Variants in NPBWR2 observed in about 807,000 individuals in gnomAD.
The protein encoded by NPBWR2 is neuropeptides B/W receptor type 2.
For missense variants in NPBWR2, 390 were observed against 458.2 expected (o/e 0.85, Z 1.36); for synonymous variants, 207 against 223.5 (o/e 0.93, Z 0.66).
rs754244813 is a variant in NPBWR2 at position 64,106,547 on chromosome 20, C to T, written c.285G>A (p.Thr95=). Residue 95 remains threonine (T), a synonymous_variant, in exon 2 of 2, where the codon ACG becomes ACA. Transcript: ENST00000684052. This position sits in a 1 kb window ranked among gnomAD's most constrained non-coding sequence, Gnocchi z 9.5. ...LNLAVADGLF[T]LVLPVNIAEH... The stretch of plus-strand genomic sequence containing the variant: ...CCGCGATGTTGACGGGCAGTACCAG[C>T]GTGAAGAGCCCGTCGGCGACGGCCA... 1.3e-5 allele frequency: 21 copies of T among 1,612,016 alleles called. No individual in the cohort carries two copies. The highest frequency in any genetic ancestry group is 4.5e-5 in the East Asian group (2 of 44,892).
rs1569286442 is a variant in NPBWR2, at chr20:64,106,878, G to C, written c.-47C>G. On this transcript the variant is annotated 5_prime_UTR_variant, in exon 2 of 2. Coordinates refer to ENST00000684052, the MANE Select transcript of NPBWR2 (RefSeq NM_005286.4). This position sits in a 1 kb window ranked among gnomAD's most constrained non-coding sequence, Gnocchi z 9.5. ...TTTGCGCCCTGGGCAGGTGGGAGGT[G>C]CCTTGGAGTTGGGTATCTGGTTGGG... 1 of 1,578,732 alleles carries C rather than the reference G, an allele frequency of 6.3e-7. No homozygotes were observed. The highest frequency in any genetic ancestry group is 1.4e-5 in the African/African-American group (1 of 73,932).
At position 64,104,889 on chromosome 20, in the gene NPBWR2, G is replaced by A. The variant is rs1181200008; in HGVS notation, c.*941C>T. 6.8e-6 allele frequency among the ~76,000 whole-genome samples: 1 copy of A among 147,504 alleles called. No homozygotes were observed. Among genetic ancestry groups the A allele is most frequent in the Non-Finnish European group, 1.5e-5 (1 of 66,264 alleles). ...AGCAGGGGGGCACAGGGGAGCACAG[G>A]CCATGGAGAGGACTGTCGGACACAG... is the stretch of plus-strand genomic sequence containing the variant. On this transcript the variant is annotated 3_prime_UTR_variant, in exon 2 of 2. Transcript: ENST00000684052.
chr20:64,105,746 G>A lies in NPBWR2; in HGVS notation c.*84C>T, dbSNP rs1979991841. ...GGGTGGGGGGGGGTGGGCCTGATGG[G>A]GGTGTGGGCATGATGATGATGGGCG... On this transcript the variant is annotated 3_prime_UTR_variant, in exon 2 of 2. Transcript: ENST00000684052. The A allele has an allele frequency of 2.8e-6, 3 of 1,056,236 alleles. 1 individual carries two copies. Among genetic ancestry groups the A allele is most frequent in the Non-Finnish European group, 3.9e-6 (3 of 766,762 alleles). 65.4% of individuals were successfully genotyped at this position (1,056,236 alleles called of 1,614,324 possible).
chr20:64,106,491 TC>T lies in NPBWR2; in HGVS notation c.340del (p.Glu114SerfsTer22), dbSNP rs1306554050. On this transcript the variant is annotated frameshift_variant, in exon 2 of 2. Transcript: ENST00000684052. LOFTEE classifies it low-confidence loss of function (END_TRUNC). The surrounding 1 kb of genome is among the most constrained non-coding windows in gnomAD (Gnocchi z 9.5). Reference protein sequence around the residue: ...EHLLQYWPFGELLCKLVLAVD... With the variant: ...EHLLQYWPFGXLLCKLVLAVD... The stretch of plus-strand genomic sequence containing the variant: ...GGCCAGCACCAGCTTGCAGAGCAGC[TC>T]CCCGAAGGGCCAGTACTGCAGCAGG... The T allele has an allele frequency of 6.2e-7, 1 of 1,612,474 alleles. No homozygotes were observed. The highest frequency in any genetic ancestry group is 1.1e-5 in the South Asian group (1 of 91,072).
Position 64,106,836 on chromosome 20 carries a change from G to A in NPBWR2, c.-5C>T. ...TGGGTGCCCAGCGGCCTGCATTGTA[G>A]CTGGGACCGTTGACGATTTGCGCCC... On this transcript the variant is annotated 5_prime_UTR_variant, in exon 2 of 2. Coordinates refer to ENST00000684052, the MANE Select transcript of NPBWR2 (RefSeq NM_005286.4). The surrounding 1 kb of genome is among the most constrained non-coding windows in gnomAD (Gnocchi z 9.5). 6.2e-7 allele frequency: 1 copy of A among 1,603,856 alleles called. No individual in the cohort carries two copies. Among genetic ancestry groups the A allele is most frequent in the Non-Finnish European group, 8.5e-7 (1 of 1,173,090 alleles).
At position 64,105,550 on chromosome 20, in the gene NPBWR2, G is replaced by T. The variant is rs1346539434; in HGVS notation, c.*280C>A. Reference sequence around the variant, plus strand: ...ATGGGGGTGATGGTGGGGGTGGTGGGGGGGGTGGGCGTGATGATGGGGGTG... The same window carrying T: ...ATGGGGGTGATGGTGGGGGTGGTGGTGGGGGTGGGCGTGATGATGGGGGTG... On this transcript the variant is annotated 3_prime_UTR_variant, in exon 2 of 2. Transcript: ENST00000684052. 6.8e-4 allele frequency among the ~76,000 whole-genome samples: 3 copies of T among 4,440 alleles called. No individual in the cohort carries two copies. Among genetic ancestry groups the T allele is most frequent in the Admixed American group, 1.9e-3 (1 of 534 alleles). 2.9% of individuals were successfully genotyped at this position (4,440 alleles called of 152,430 possible).
In NPBWR2 at chr20:64,104,936, C is replaced by G. The variant is rs1450839662; in HGVS notation, c.*894G>C. Among the ~76,000 whole-genome samples the G allele has an allele frequency of 1.4e-5, 2 of 139,286 alleles. No individual in the cohort carries two copies. The highest frequency in any genetic ancestry group is 3.1e-5 in the Non-Finnish European group (2 of 63,662). 91.4% of individuals were successfully genotyped at this position (139,286 alleles called of 152,430 possible). On this transcript the variant is annotated 3_prime_UTR_variant, in exon 2 of 2. Coordinates refer to ENST00000684052, the MANE Select transcript of NPBWR2 (RefSeq NM_005286.4). Reference sequence around the variant, plus strand: ...ACAGCAGGGCGGGTACAGGCCATGGCAAGGACCGTCGGCCACAGCAGGGGG... The same window carrying G: ...ACAGCAGGGCGGGTACAGGCCATGGGAAGGACCGTCGGCCACAGCAGGGGG...
In NPBWR2 at chr20:64,106,098, C is replaced by T. The variant is rs370307704; in HGVS notation, c.734G>A (p.Arg245His). The stretch of plus-strand genomic sequence containing the variant: ...CTTGCCTAGAGCCTTGGCTCCAGAG[C>T]GGAGCCGCACGGCCCGCAGCCTGCG... ...LLRRLRAVRL[R>H]SGAKALGKAR... Residue 245 changes from arginine (R) to histidine (H), a missense_variant, in exon 2 of 2, where the codon CGC becomes CAC. Arg to His is a conservative substitution (Grantham distance 29). Coordinates refer to ENST00000684052, the MANE Select transcript of NPBWR2 (RefSeq NM_005286.4). The surrounding 1 kb of genome is among the most constrained non-coding windows in gnomAD (Gnocchi z 9.5). 2.1e-5 allele frequency: 34 copies of T among 1,611,196 alleles called. No homozygotes were observed. Among genetic ancestry groups the T allele is most frequent in the South Asian group, 2.0e-4 (18 of 91,020 alleles).
Position 64,106,517 on chromosome 20 carries a change from G to T in NPBWR2, c.315C>A (p.His105Gln). The T allele has an allele frequency of 6.2e-7, 1 of 1,612,444 alleles. No homozygotes were observed. Residue 105 changes from histidine to glutamine, a missense_variant, in exon 2 of 2, where the codon CAC becomes CAA. Physicochemically the swap from His to Gln is conservative, Grantham distance 24. Transcript: ENST00000684052. The surrounding 1 kb of genome is among the most constrained non-coding windows in gnomAD (Gnocchi z 9.5). ...TLVLPVNIAE[H>Q]LLQYWPFGEL... ...CCCCGAAGGGCCAGTACTGCAGCAG[G>T]TGCTCCGCGATGTTGACGGGCAGTA...
rs1228918449 is a variant in NPBWR2 at position 64,105,619 on chromosome 20, G to GCGTGATGAT, written c.*210_*211insATCATCACG. 3.6e-4 allele frequency among the ~76,000 whole-genome samples: 4 copies of GCGTGATGAT among 10,960 alleles called. No individual in the cohort carries two copies. The highest frequency in any genetic ancestry group is 4.6e-4 in the Non-Finnish European group (3 of 6,496). The allele number at this position is 10,960 out of a possible 152,430, so 7.2% of individuals were successfully genotyped here. A position where few individuals can be genotyped will look rare whatever the true frequency, so the allele number is the denominator to read the frequency against. ...ATGGTGGGCGTGATGGTGGGGGTGG[G>GCGTGATGAT]GGTGATGGGGGTGGGCGTGATGGTG... is the stretch of plus-strand genomic sequence containing the variant. On this transcript the variant is annotated 3_prime_UTR_variant, in exon 2 of 2. Coordinates refer to ENST00000684052, the MANE Select transcript of NPBWR2 (RefSeq NM_005286.4).
At position 64,105,884 on chromosome 20, in the gene NPBWR2, G is replaced by A. The variant is rs758127511; in HGVS notation, c.948C>T (p.Tyr316=). 27 of 1,605,080 alleles carry A rather than the reference G, an allele frequency of 1.7e-5. No homozygotes were observed. Among genetic ancestry groups the A allele is most frequent in the Middle Eastern group, 1.7e-4 (1 of 6,042 alleles). The change falls in exon 2 of 2, where the codon TAC becomes TAT. Residue 316 remains tyrosine (Y), a synonymous_variant. Transcript: ENST00000684052. ...TCCGGAAGTTGTCATCTAGAAAGGC[G>A]TAGAGGAAGGGGTTCAGGCACGAGT... ...YANSCLNPFL[Y]AFLDDNFRKN... is the part of the protein sequence containing the mutation.
In NPBWR2 at chr20:64,107,473, C is replaced by T. The variant is rs1980093825; in HGVS notation, c.-201G>A. 6.6e-6 allele frequency among the ~76,000 whole-genome samples: 1 copy of T among 152,224 alleles called. No individual in the cohort carries two copies. The highest frequency in any genetic ancestry group is 1.5e-5 in the Non-Finnish European group (1 of 68,048). On this transcript the variant is annotated 5_prime_UTR_variant, in exon 1 of 2. Coordinates refer to ENST00000684052, the MANE Select transcript of NPBWR2 (RefSeq NM_005286.4). This position sits in a 1 kb window ranked among gnomAD's most constrained non-coding sequence, Gnocchi z 6.3. ...CGAGGTGTGGTCCTCACTGACAGACCTCCAGCTGAGGTTTCAGGAGTTTCA... is the reference window on the plus strand; with the variant it reads ...CGAGGTGTGGTCCTCACTGACAGACTTCCAGCTGAGGTTTCAGGAGTTTCA...
chr20:64,107,052 G>T lies in NPBWR2; in HGVS notation c.-91-130C>A. 2 of 618,956 alleles carry T rather than the reference G, an allele frequency of 3.2e-6. No homozygotes were observed. The highest frequency in any genetic ancestry group is 5.8e-6 in the Non-Finnish European group (2 of 343,748). The allele number at this position is 618,956 out of a possible 1,614,324, so 38.3% of individuals were successfully genotyped here. ...ACATGGGGCCAGAGGGAGCCTGGTGGGGTGTGTGGGGGCCTCCTCCCGCCT... is the reference window on the plus strand; with the variant it reads ...ACATGGGGCCAGAGGGAGCCTGGTGTGGTGTGTGGGGGCCTCCTCCCGCCT... On this transcript the variant is annotated intron_variant, in intron 1 of 1. Coordinates refer to ENST00000684052, the MANE Select transcript of NPBWR2 (RefSeq NM_005286.4). The surrounding 1 kb of genome is among the most constrained non-coding windows in gnomAD (Gnocchi z 6.3).
rs895138783 is a variant in NPBWR2, at chr20:64,103,866, G to C, written c.*1964C>G. On this transcript the variant is annotated 3_prime_UTR_variant, in exon 2 of 2. Coordinates refer to ENST00000684052, the MANE Select transcript of NPBWR2 (RefSeq NM_005286.4). ...AATACAATGTTGTCAGGGAGGATAA[G>C]TGGATGGAGATGGCCGTGGCGTGTT... Among the ~76,000 whole-genome samples, 1 of 152,270 alleles carries C rather than the reference G, an allele frequency of 6.6e-6. No individual in the cohort carries two copies. Among genetic ancestry groups the C allele is most frequent in the Admixed American group, 6.5e-5 (1 of 15,292 alleles).
At position 64,106,638 on chromosome 20, in the gene NPBWR2, G is replaced by A; in HGVS notation, c.194C>T (p.Ala65Val). 6.2e-7 allele frequency: 1 copy of A among 1,612,526 alleles called. No homozygotes were observed. Among genetic ancestry groups the A allele is most frequent in the East Asian group, 2.2e-5 (1 of 44,872 alleles). The change falls in exon 2 of 2, where the codon GCC becomes GTC. Residue 65 changes from alanine (A) to valine (V), a missense_variant. Ala to Val is a moderately conservative substitution (Grantham distance 64). Coordinates refer to ENST00000684052, the MANE Select transcript of NPBWR2 (RefSeq NM_005286.4). This position sits in a 1 kb window ranked among gnomAD's most constrained non-coding sequence, Gnocchi z 9.5. Reference sequence around the variant, plus strand: ...CGCCCTTAGGATTACAAGGATGACGGCCGTGTTGCCAGTCAGCCCCACAGC... The same window carrying A: ...CGCCCTTAGGATTACAAGGATGACGACCGTGTTGCCAGTCAGCCCCACAGC... The part of the protein sequence containing the change: ...ICAVGLTGNT[A>V]VILVILRAPK...
At position 64,105,631 on chromosome 20, in the gene NPBWR2, T is replaced by G. The variant is rs1424560842; in HGVS notation, c.*199A>C. Among the ~76,000 whole-genome samples, 3 of 11,592 alleles carry G rather than the reference T, an allele frequency of 2.6e-4. No individual in the cohort carries two copies. The highest frequency in any genetic ancestry group is 3.0e-4 in the Non-Finnish European group (2 of 6,672). The allele number at this position is 11,592 out of a possible 152,430, so 7.6% of individuals were successfully genotyped here. Reference sequence around the variant, plus strand: ...ATGGTGGGGGTGGGGGTGATGGGGGTGGGCGTGATGGTGGATGTGATGGGG... The same window carrying G: ...ATGGTGGGGGTGGGGGTGATGGGGGGGGGCGTGATGGTGGATGTGATGGGG... On this transcript the variant is annotated 3_prime_UTR_variant, in exon 2 of 2. Transcript: ENST00000684052.
rs1979924259 is a variant in NPBWR2, at chr20:64,105,233, T to C, written c.*597A>G. On this transcript the variant is annotated 3_prime_UTR_variant, in exon 2 of 2. Coordinates refer to ENST00000684052, the MANE Select transcript of NPBWR2 (RefSeq NM_005286.4). ...GACCACTGTCATTAGGGATCCTGAG[T>C]CCCAGAGCCTTCCAAGGGGCTTGTC... 6.6e-6 allele frequency among the ~76,000 whole-genome samples: 1 copy of C among 151,506 alleles called. No individual in the cohort carries two copies. Among genetic ancestry groups the C allele is most frequent in the Admixed American group, 6.6e-5 (1 of 15,226 alleles).
rs1980077617 is a variant in NPBWR2 at position 64,106,969 on chromosome 20, A to G, written c.-91-47T>C. 9.4e-7 allele frequency: 1 copy of G among 1,068,166 alleles called. No homozygotes were observed. The highest frequency in any genetic ancestry group is 1.3e-6 in the Non-Finnish European group (1 of 746,404). The allele number at this position is 1,068,166 out of a possible 1,614,324, so 66.2% of individuals were successfully genotyped here. ...AGACTTTGAGATCCGGCCGTCTGTT[A>G]GGGCACAGCCACTCCAGGTTCTCTG... On this transcript the variant is annotated intron_variant, in intron 1 of 1. Transcript: ENST00000684052. This position sits in a 1 kb window ranked among gnomAD's most constrained non-coding sequence, Gnocchi z 9.5.
At position 64,106,494 on chromosome 20, in the gene NPBWR2, C is replaced by T; in HGVS notation, c.338G>A (p.Gly113Glu). 1.9e-6 allele frequency: 3 copies of T among 1,612,680 alleles called. No individual in the cohort carries two copies. Among genetic ancestry groups the T allele is most frequent in the South Asian group, 2.2e-5 (2 of 91,090 alleles). The change falls in exon 2 of 2, where the codon GGG (glycine) becomes GAG (glutamate). Residue 113 changes from glycine (G) to glutamate (E), a missense_variant. By Grantham distance (98) the Gly-to-Glu change is moderately conservative. Coordinates refer to ENST00000684052, the MANE Select transcript of NPBWR2 (RefSeq NM_005286.4). The surrounding 1 kb of genome is among the most constrained non-coding windows in gnomAD (Gnocchi z 9.5). ...CAGCACCAGCTTGCAGAGCAGCTCCCCGAAGGGCCAGTACTGCAGCAGGTG... is the reference window on the plus strand; with the variant it reads ...CAGCACCAGCTTGCAGAGCAGCTCCTCGAAGGGCCAGTACTGCAGCAGGTG... The part of the protein sequence containing the change: ...AEHLLQYWPF[G>E]ELLCKLVLAV...
Sources: allele counts gnomAD v4.1 joint callset (sites outside exome capture counted in the v4.1 genomes callset), GRCh38; gene constraint gnomAD v4.1.1; non-coding constraint Gnocchi (gnomAD v3.1); transcripts MANE v1.5; gene names NCBI Gene and HGNC (gene_info 2026-07-23, HGNC 2026-07-21).